The following PTK2 variants were observed in gnomAD, a reference collection of about 807,000 sequenced individuals.
The protein encoded by PTK2 is protein tyrosine kinase 2.
In PTK2, 45 loss-of-function variants were observed where a neutral mutation model predicts 150.1. The ratio of observed to expected loss-of-function variants is 0.30; its 90% confidence interval spans 0.24 to 0.38. The LOEUF is 0.38. PTK2 is among the 10% of genes least tolerant of loss of function. The pLI, the probability that PTK2 is intolerant of heterozygous loss-of-function variation, is 1.00. For missense variants in PTK2, 919 were observed against 1,307.3 expected (o/e 0.70, Z 4.58); for synonymous variants, 432 against 449.2 (o/e 0.96, Z 0.48).
rs1043476995 is a variant in PTK2 at position 140,913,736 on chromosome 8, G to A, written c.-33+11925C>T. On this transcript the variant is annotated intron_variant, in intron 2 of 31. Transcript: ENST00000522684. ...AACTGGATATACAATGTTCATTACTGTATTGTTCAATATTGTTCATAAGTC... is the reference window on the plus strand; with the variant it reads ...AACTGGATATACAATGTTCATTACTATATTGTTCAATATTGTTCATAAGTC... Among the ~76,000 whole-genome samples the A allele has an allele frequency of 1.3e-4, 20 of 152,132 alleles. 2 individuals are homozygous for A. The highest frequency in any genetic ancestry group is 7.2e-4 in the Admixed American group (11 of 15,272).
At chr8:140,678,836 G>T (rs776503889) in intron 27 of PTK2, among the ~76,000 whole-genome samples, 43 of 151,942 alleles carry the variant, frequency 2.8e-4, no homozygotes, top group Admixed American at 5.3e-4. Flanking sequence ...AGGGAATGGT[G>T]GAAACGGGCC....
chr8:140,760,060 A>G (rs963382932), intron 16 of PTK2, among the ~76,000 whole-genome samples: 2 of 151,968 alleles, frequency 1.3e-5, no homozygotes, highest in Non-Finnish European at 2.9e-5. Flanking sequence ...CGTCTCTACT[A>G]AAAAAACAAA....
intron 5 of PTK2, among the ~76,000 whole-genome samples, chr8:140,852,575 T>A (rs2100129978): frequency 6.6e-6 from 1 of 152,266 alleles, no homozygotes; most frequent in South Asian, 2.1e-4. Flanking sequence ...CTGGACTGTA[T>A]ACAATTGTCA....
intron 2 of PTK2, among the ~76,000 whole-genome samples, chr8:140,924,792 A>C (rs546980128): frequency 2.0e-4 from 30 of 152,354 alleles, no homozygotes; most frequent in African/African-American, 7.0e-4. Flanking sequence ...CCCCACATAA[A>C]AAAATAAATC....
intron 22 of PTK2, among the ~76,000 whole-genome samples, chr8:140,721,078 T>TA (rs907688466): frequency 3.3e-5 from 5 of 151,822 alleles, no homozygotes; most frequent in African/African-American, 1.2e-4. Flanking sequence ...TTTCTTTATT[T>TA]TTTTTTTTTT....
At position 140,735,234 on chromosome 8, in the gene PTK2, C is replaced by T. The variant is rs757866208; in HGVS notation, c.2030+17G>A. On this transcript the variant is annotated intron_variant, in intron 22 of 31. Transcript: ENST00000522684. ...ATCTGCCCCCACCCCCAGGCCCTCT[C>T]TCCCGCCAACTCCTACCTGAGCTGA... 4 of 1,611,338 alleles carry T rather than the reference C, an allele frequency of 2.5e-6. No homozygotes were observed. The South Asian group carries it at 4.4e-5, about 18-fold the overall frequency.
At chr8:140,783,895 A>T (rs967273058) in intron 14 of PTK2, among the ~76,000 whole-genome samples, 2 of 152,226 alleles carry the variant, frequency 1.3e-5, no homozygotes, top group Non-Finnish European at 2.9e-5. Flanking sequence ...GTGGTGGCTC[A>T]CGACTAATTT....
chr8:140,668,227 A>G, intron 30 of PTK2, 42 bp downstream of exon 34: 2 of 1,611,364 alleles, frequency 1.2e-6, no homozygotes, highest in Non-Finnish European at 1.7e-6. Context: ...CTTACAGGAA[A>G]CAAGAACATT....
intron 14 of PTK2, among the ~76,000 whole-genome samples, chr8:140,770,504 A>G (rs73371805): frequency 0.046 from 6,940 of 152,316 alleles, 421 homozygotes; most frequent in African/African-American, 0.14. Flanking sequence ...CAAACAAAAA[A>G]TCTTGTATTC....
chr8:140,810,653 G>A (rs887450246), intron 10 of PTK2, among the ~76,000 whole-genome samples: 24 of 152,092 alleles, frequency 1.6e-4, no homozygotes, highest in East Asian at 9.6e-4. Context: ...ATTGCCTTCC[G>A]TGCCTCACCA....
chr8:140,660,650 T>C (rs777820055), intron 31 of PTK2: 12 of 455,096 alleles, frequency 2.6e-5, no homozygotes, highest in South Asian at 1.7e-4. Context: ...GGCTTGAGCC[T>C]GGAAGACAGA....
At chr8:140,965,155 CCTTA>C (rs1476021046) in intron 1 of PTK2, among the ~76,000 whole-genome samples, 3 of 152,124 alleles carry the variant, frequency 2.0e-5, no homozygotes, top group African/African-American at 7.2e-5. Context: ...TTATTATGAC[CCTTA>C]CTTGTCAAGC....
rs78600954 is a variant in PTK2 at position 140,870,545 on chromosome 8, C to G, written c.363-6146G>C. Among the ~76,000 whole-genome samples, 450 of 152,144 alleles carry G rather than the reference C, an allele frequency of 3.0e-3. 5 individuals are homozygous for G. Among genetic ancestry groups the G allele is most frequent in the African/African-American group, 0.011 (437 of 41,512 alleles). On this transcript the variant is annotated intron_variant, in intron 4 of 31. Transcript: ENST00000522684. Reference sequence around the variant, plus strand: ...TAGTAAAGATGACACAAAGGCTTTGCAGAGAAGACATCAGAAGGCATCAAA... The same window carrying G: ...TAGTAAAGATGACACAAAGGCTTTGGAGAGAAGACATCAGAAGGCATCAAA...
At chr8:140,951,896 T>A (rs78508993) in intron 1 of PTK2, among the ~76,000 whole-genome samples, 279 of 146,060 alleles carry the variant, frequency 1.9e-3, no homozygotes, top group African/African-American at 6.9e-3. Context: ...AAAGAAAAAT[T>A]AAAAAAAAAA....
At chr8:140,981,522 T>A (rs527526802) in intron 1 of PTK2, among the ~76,000 whole-genome samples, 1 of 152,204 alleles carries the variant, frequency 6.6e-6, no homozygotes, top group African/African-American at 2.4e-5. Context: ...GTTATCACCC[T>A]CTACACGAGA....
At chr8:140,725,524 C>T (rs551081642) in intron 22 of PTK2, among the ~76,000 whole-genome samples, 1 of 152,206 alleles carries the variant, frequency 6.6e-6, no homozygotes, top group Non-Finnish European at 1.5e-5. Flanking sequence ...AGAAGGCAGG[C>T]GCCAGTGTTA....
At chr8:140,685,121 T>C (rs190118805) in intron 27 of PTK2, among the ~76,000 whole-genome samples, 134 of 152,140 alleles carry the variant, frequency 8.8e-4, no homozygotes, top group African/African-American at 3.1e-3. Flanking sequence ...TTTGACAATG[T>C]TGGCAAAAAC....
Position 140,662,712 on chromosome 8 carries a change from T to G in PTK2, c.2946+2205A>C, listed in dbSNP as rs771578872. On this transcript the variant is annotated intron_variant, in intron 31 of 31. Coordinates refer to ENST00000522684, the Ensembl canonical transcript of PTK2. ...AGAAGTCAATGTCCAGTTGGTCAAC[T>G]GGAACATCCCCTGGACATCGTATGT... is the stretch of plus-strand genomic sequence containing the variant. 3.3e-5 allele frequency: 20 copies of G among 597,682 alleles called. 1 individual carries two copies. In the South Asian group the frequency reaches 3.8e-4, roughly 11 times the overall value. 37.0% of individuals were successfully genotyped at this position (597,682 alleles called of 1,614,324 possible). A position where few individuals can be genotyped will look rare whatever the true frequency, so the allele number is the denominator to read the frequency against.
intron 5 of PTK2, among the ~76,000 whole-genome samples, chr8:140,859,162 C>T (rs1250838855): frequency 6.6e-6 from 1 of 152,014 alleles, no homozygotes; most frequent in African/African-American, 2.4e-5. Flanking sequence ...CAGCTTTTAC[C>T]TTAAGGGTAG....
Sources: allele counts gnomAD v4.1 joint callset (sites outside exome capture counted in the v4.1 genomes callset), GRCh38; gene constraint gnomAD v4.1.1; transcripts MANE v1.5; gene names NCBI Gene and HGNC (gene_info 2026-07-23, HGNC 2026-07-21).